Variants in ACSM2A observed in about 807,000 individuals in gnomAD.
ACSM2A encodes acyl-coenzyme A synthetase ACSM2A, mitochondrial.
ACSM2A carries 72 observed loss-of-function variants against 76.6 expected under a neutral mutation model. That is an observed-to-expected ratio of 0.94 (90% CI 0.78 to 1.14). The LOEUF is 1.14. ACSM2A is among the 50% of genes most tolerant of loss of function. The pLI, the probability that ACSM2A is intolerant of heterozygous loss-of-function variation, is 0.00. For missense variants in ACSM2A, 684 were observed against 708.5 expected (o/e 0.97, Z 0.39); for synonymous variants, 249 against 255.9 (o/e 0.97, Z 0.26).
chr16:20,455,861 T>G (rs1264085942), intron 1 of ACSM2A, among the ~76,000 whole-genome samples: 1 of 151,702 alleles, frequency 6.6e-6, no homozygotes, highest in African/African-American at 2.4e-5. Context: ...AGAATTGCAT[T>G]ATTGATAAGA....
At chr16:20,477,297 A>G in intron 8 of ACSM2A, 72 bp from the exon 9 acceptor site, 1 of 1,567,880 alleles carries the variant, frequency 6.4e-7, no homozygotes, top group Non-Finnish European at 8.6e-7. Flanking sequence ...CCTGCTCTGC[A>G]GAAATTTTTT....
intron 1 of ACSM2A, among the ~76,000 whole-genome samples, chr16:20,458,898 A>G (rs1198264400): frequency 1.9e-5 from 1 of 51,514 alleles, no homozygotes; most frequent in Admixed American, 1.9e-4. Context: ...TATATTATAT[A>G]TATATGCATA....
chr16:20,468,121 C>A (rs565883247), intron 3 of ACSM2A, among the ~76,000 whole-genome samples: 3 of 152,156 alleles, frequency 2.0e-5, no homozygotes, highest in Admixed American at 1.3e-4. Flanking sequence ...AGAAAGGTGA[C>A]ATACTGAAAT....
At chr16:20,459,955 A>C in intron 1 of ACSM2A, 152 bp from the exon 2 acceptor site, 1 of 1,365,228 alleles carries the variant, frequency 7.3e-7, no homozygotes, top group African/African-American at 1.4e-5. Flanking sequence ...GGAGACTGAA[A>C]CAGATGCTGA....
In ACSM2A at chr16:20,460,297, G is replaced by A; in HGVS notation, c.177+6G>A. 6.2e-7 allele frequency: 1 copy of A among 1,613,626 alleles called. No homozygotes were observed. The highest frequency in any genetic ancestry group is 8.5e-7 in the Non-Finnish European group (1 of 1,179,756). On this transcript the variant is annotated splice_donor_region_variant and intron_variant, in intron 2 of 13. Transcript: ENST00000573854. ...ACTGGGCTGACATGGAGAAGGTAAT[G>A]GGGTGGAAAAGAGGCACAGAGTGAG...
chr16:20,471,386 C>G, intron 5 of ACSM2A, 150 bp from the exon 6 acceptor site: 1 of 1,481,060 alleles, frequency 6.8e-7, no homozygotes, highest in East Asian at 2.3e-5. Flanking sequence ...CCCCTTCCTA[C>G]TTATACATAG....
chr16:20,472,496 A>G (rs1035548161), intron 6 of ACSM2A, among the ~76,000 whole-genome samples: 18 of 152,246 alleles, frequency 1.2e-4, no homozygotes, highest in African/African-American at 2.6e-4. Context: ...AAATACCATC[A>G]AGTTGAGGGT....
At chr16:20,470,052 C>T (rs889179726) in intron 4 of ACSM2A, among the ~76,000 whole-genome samples, 2 of 151,988 alleles carry the variant, frequency 1.3e-5, no homozygotes, top group African/African-American at 4.8e-5. Context: ...GGTGTTATTG[C>T]CTCCACACTT....
chr16:20,471,293 T>C (rs915147437), intron 5 of ACSM2A, 77 bp downstream of exon 5: 11 of 1,559,690 alleles, frequency 7.1e-6, no homozygotes, highest in Non-Finnish European at 9.6e-6. Context: ...CAATTATATA[T>C]TAAGTCAGGT....
chr16:20,461,274 C>T (rs1365046125), intron 2 of ACSM2A, among the ~76,000 whole-genome samples: 3 of 149,746 alleles, frequency 2.0e-5, no homozygotes, highest in South Asian at 2.2e-4. Flanking sequence ...AGGCTGAAGA[C>T]GGCCCTAGGT....
intron 6 of ACSM2A, among the ~76,000 whole-genome samples, chr16:20,471,902 T>C (rs1028786655): frequency 2.0e-5 from 3 of 152,154 alleles, no homozygotes; most frequent in African/African-American, 7.2e-5. Flanking sequence ...AAAAGGAGTA[T>C]GTTCAGGAGA....
intron 2 of ACSM2A, among the ~76,000 whole-genome samples, chr16:20,464,748 C>A (rs543723158): frequency 1.8e-4 from 27 of 151,968 alleles, no homozygotes; most frequent in Non-Finnish European, 2.9e-4. Context: ...TTCATAGAGT[C>A]GGAAAGTAGA....
intron 12 of ACSM2A, 101 bp from the exon 13 acceptor site, chr16:20,482,957 G>A (rs533006922): frequency 6.6e-7 from 1 of 1,518,128 alleles, no homozygotes. Flanking sequence ...TGCAAATGAG[G>A]AGATACAAGG....
chr16:20,454,874 C>T (rs530929817), intron 1 of ACSM2A, among the ~76,000 whole-genome samples: 3 of 146,956 alleles, frequency 2.0e-5, no homozygotes, highest in South Asian at 2.2e-4. Flanking sequence ...CAAAGAGGCA[C>T]CAGAAAAGCT....
At chr16:20,476,528 A>C (rs2013747242) in intron 8 of ACSM2A, 1 of 985,282 alleles carries the variant, frequency 1.0e-6, no homozygotes, top group Admixed American at 6.2e-5. Flanking sequence ...AATATGAATA[A>C]GGACAATGGA....
At chr16:20,457,017 A>G (rs993140162) in intron 1 of ACSM2A, among the ~76,000 whole-genome samples, 3 of 152,042 alleles carry the variant, frequency 2.0e-5, no homozygotes, top group Non-Finnish European at 4.4e-5. Context: ...TCAAGGCACT[A>G]CAAACAGCTT....
At chr16:20,477,150 G>A (rs1311166551) in intron 8 of ACSM2A, 1 of 697,956 alleles carries the variant, frequency 1.4e-6, no homozygotes, top group Admixed American at 3.7e-5. Context: ...TTCCTGGGGA[G>A]TGGTAGATGG....
intron 10 of ACSM2A, among the ~76,000 whole-genome samples, chr16:20,479,106 C>T (rs2013939204): frequency 6.6e-6 from 1 of 152,086 alleles, no homozygotes; most frequent in African/African-American, 2.4e-5. Context: ...GAATCCCTAT[C>T]TTCAGATCTT....
intron 4 of ACSM2A, among the ~76,000 whole-genome samples, chr16:20,470,275 T>G (rs1283131878): frequency 6.6e-6 from 1 of 152,208 alleles, no homozygotes; most frequent in Non-Finnish European, 1.5e-5. Context: ...ACCCAAGAGA[T>G]GGCTGATATA....
Sources: allele counts gnomAD v4.1 joint callset (sites outside exome capture counted in the v4.1 genomes callset), GRCh38; gene constraint gnomAD v4.1.1; transcripts MANE v1.5; gene names NCBI Gene and HGNC (gene_info 2026-07-23, HGNC 2026-07-21).